Variants in ADAM22 observed in about 807,000 individuals in gnomAD.
The protein encoded by ADAM22 is disintegrin and metalloproteinase domain-containing protein 22.
A neutral mutation model predicts 144.6 loss-of-function variants in ADAM22; 65 were observed. The ratio of observed to expected loss-of-function variants is 0.45; its 90% CI spans 0.37 to 0.55. The LOEUF (loss-of-function observed/expected upper bound fraction) is 0.55. Ranked by LOEUF, ADAM22 falls within the 20% of genes least tolerant of loss-of-function variation. The pLI, the probability that ADAM22 is intolerant of heterozygous loss-of-function variation, is 0.00. For synonymous variants in ADAM22, 391 were observed against 412.6 expected (o/e 0.95, Z 0.63); for missense variants, 974 against 1,184.9 (o/e 0.82, Z 2.61).
At chr7:88,189,482 G>A (rs780208490) in intron 30 of ADAM22, among the ~76,000 whole-genome samples, 26 of 152,162 alleles carry the variant, frequency 1.7e-4, no homozygotes, top group Non-Finnish European at 3.2e-4. Context: ...GTAGATGGAG[G>A]AAACTGAGGT....
intron 7 of ADAM22, among the ~76,000 whole-genome samples, chr7:88,119,580 C>T (rs1258359888): frequency 1.3e-5 from 2 of 152,176 alleles, no homozygotes; most frequent in Admixed American, 6.5e-5. Flanking sequence ...CCTCTGCCCC[C>T]TGGGTTCAAG....
intron 3 of ADAM22, among the ~76,000 whole-genome samples, chr7:88,053,999 G>A (rs146881314): frequency 0.032 from 4,849 of 152,210 alleles, 284 homozygotes; most frequent in African/African-American, 0.11. Flanking sequence ...AGGCATGGTA[G>A]CATGCGCCTG....
In ADAM22 at chr7:87,963,009, C is replaced by T. The variant is rs144655866; in HGVS notation, c.247-15327C>T. 8.1e-4 allele frequency among the ~76,000 whole-genome samples: 124 copies of T among 152,224 alleles called. No homozygotes were observed. In the East Asian group the frequency reaches 0.018, roughly 22 times the overall value. ...ACAGAGGGAAAACTCTTGGACAAAG[C>T]AATTGAGCATAGCATTATATTATTG... On this transcript the variant is annotated intron_variant, in intron 2 of 31. Coordinates refer to ENST00000413139, the MANE Select transcript of ADAM22 (RefSeq NM_001324418.2).
intron 22 of ADAM22, among the ~76,000 whole-genome samples, 187 bp downstream of exon 22, chr7:88,156,193 A>G (rs1839912381): frequency 6.6e-6 from 1 of 152,142 alleles, no homozygotes; most frequent in African/African-American, 2.4e-5. Flanking sequence ...TGAATGAAGA[A>G]TATTGTGTGA....
Position 88,038,988 on chromosome 7 carries a change from C to T in ADAM22, c.324-36638C>T, listed in dbSNP as rs538260031. On this transcript the variant is annotated intron_variant, in intron 3 of 31. Coordinates refer to ENST00000413139, the MANE Select transcript of ADAM22 (RefSeq NM_001324418.2). ...TAGAGGTTGGTTTTCACTATGTTGCCCAGGCTGGTCTCAGACTTCTGGGCT... is the reference window on the plus strand; with the variant it reads ...TAGAGGTTGGTTTTCACTATGTTGCTCAGGCTGGTCTCAGACTTCTGGGCT... Among the ~76,000 whole-genome samples, 9 of 151,798 alleles carry T rather than the reference C, an allele frequency of 5.9e-5. No individual in the cohort carries two copies. The South Asian group carries it at 1.9e-3, about 32-fold the overall frequency.
intron 4 of ADAM22, among the ~76,000 whole-genome samples, chr7:88,105,733 C>T (rs1383178166): frequency 6.6e-6 from 1 of 152,090 alleles, no homozygotes; most frequent in Non-Finnish European, 1.5e-5. Context: ...CTTGGCAACT[C>T]CCCAGGTAGA....
chr7:88,031,104 A>C (rs187754705), intron 3 of ADAM22, among the ~76,000 whole-genome samples: 29 of 149,584 alleles, frequency 1.9e-4, no homozygotes, highest in African/African-American at 6.6e-4. Context: ...CGACAGAGCA[A>C]GACTCCGTCT....
intron 4 of ADAM22, among the ~76,000 whole-genome samples, chr7:88,081,683 C>G (rs1269825958): frequency 1.5e-4 from 16 of 107,908 alleles, no homozygotes; most frequent in South Asian, 8.4e-4. Flanking sequence ...CACAAGCATT[C>G]TTATACACCA....
chr7:87,934,891 T>A, intron 1 of ADAM22, 135 bp from the exon 2 acceptor site: 1 of 1,239,536 alleles, frequency 8.1e-7, no homozygotes, highest in South Asian at 1.3e-5. Flanking sequence ...TCCTTCCCAG[T>A]TGGGTTCCGA....
intron 3 of ADAM22, among the ~76,000 whole-genome samples, chr7:87,995,425 T>C (rs1247186624): frequency 6.6e-6 from 1 of 152,168 alleles, no homozygotes; most frequent in Non-Finnish European, 1.5e-5. Flanking sequence ...TTTAACTGTT[T>C]TCCTAGCCTA....
intron 3 of ADAM22, among the ~76,000 whole-genome samples, chr7:88,032,231 G>A (rs1456186716): frequency 6.6e-6 from 1 of 152,228 alleles, no homozygotes; most frequent in Non-Finnish European, 1.5e-5. Context: ...ACACCAGCCT[G>A]TGAAAGCGGC....
At chr7:88,108,420 C>G (rs922516312) in intron 5 of ADAM22, among the ~76,000 whole-genome samples, 162 bp downstream of exon 5, 2 of 151,338 alleles carry the variant, frequency 1.3e-5, no homozygotes, top group Non-Finnish European at 1.5e-5. Context: ...ATAAACCAAG[C>G]AGATTTTTAA....
chr7:88,094,607 T>A (rs959482698), intron 4 of ADAM22, among the ~76,000 whole-genome samples: 1 of 152,228 alleles, frequency 6.6e-6, no homozygotes, highest in Admixed American at 6.5e-5. Context: ...CTTTTTGCCT[T>A]CGTTTTCTCT....
intron 2 of ADAM22, among the ~76,000 whole-genome samples, chr7:87,960,299 A>G (rs1161259272): frequency 6.6e-6 from 1 of 152,078 alleles, no homozygotes; most frequent in Non-Finnish European, 1.5e-5. Flanking sequence ...TCATATGTTC[A>G]CTGATGAAAG....
At chr7:87,944,833 T>G (rs1162246777) in intron 2 of ADAM22, among the ~76,000 whole-genome samples, 1 of 149,720 alleles carries the variant, frequency 6.7e-6, no homozygotes, top group Non-Finnish European at 1.5e-5. Flanking sequence ...TTTTTTTTGT[T>G]TTTTTTTTTT....
At chr7:88,145,219 G>A (rs1563319429) in intron 16 of ADAM22, 23 bp downstream of exon 16, 3 of 1,612,362 alleles carry the variant, frequency 1.9e-6, no homozygotes, top group Non-Finnish European at 2.5e-6. Flanking sequence ...TTGTTTTGAT[G>A]ATATTTTCTA....
chr7:87,977,952 C>T (rs191517935), intron 2 of ADAM22, among the ~76,000 whole-genome samples: 2 of 152,084 alleles, frequency 1.3e-5, no homozygotes, highest in East Asian at 3.9e-4. Context: ...TCATATTCAC[C>T]ATATTATTTT....
At chr7:88,041,645 C>G (rs1803158910) in intron 3 of ADAM22, among the ~76,000 whole-genome samples, 1 of 151,836 alleles carries the variant, frequency 6.6e-6, no homozygotes, top group Non-Finnish European at 1.5e-5. Flanking sequence ...AGTACTTTTG[C>G]CCTTATCCTT....
chr7:87,988,391 T>C (rs1328850418), intron 3 of ADAM22, among the ~76,000 whole-genome samples: 1 of 152,166 alleles, frequency 6.6e-6, no homozygotes, highest in African/African-American at 2.4e-5. Context: ...GATGCACCTC[T>C]GTGAGGACTG....
Sources: allele counts gnomAD v4.1 joint callset (sites outside exome capture counted in the v4.1 genomes callset), GRCh38; gene constraint gnomAD v4.1.1; transcripts MANE v1.5; gene names NCBI Gene and HGNC (gene_info 2026-07-23, HGNC 2026-07-21).